Variants in MAPKBP1 observed in about 807,000 individuals in gnomAD.
MAPKBP1 encodes the protein mitogen-activated protein kinase-binding protein 1.
A neutral mutation model predicts 170.5 loss-of-function variants in MAPKBP1; 71 were observed. That is an observed-to-expected ratio of 0.42 (90% CI 0.34 to 0.51). The LOEUF is 0.51. Among genes scored for constraint, MAPKBP1 ranks in the 20% least tolerant of loss-of-function variants. The pLI is 0.06. For synonymous variants in MAPKBP1, 719 were observed against 757.9 expected, an observed-to-expected ratio of 0.95 and a Z score of 0.84; for missense variants, 1,598 against 1,933.0, an observed-to-expected ratio of 0.83 and a Z score of 3.25.
chr15:41,816,938 G>A lies in MAPKBP1; in HGVS notation c.1614G>A (p.Arg538=), dbSNP rs1255593021. 2.5e-6 allele frequency: 4 copies of A among 1,611,522 alleles called. No individual in the cohort carries two copies. Among genetic ancestry groups the A allele is most frequent in the Non-Finnish European group, 3.4e-6 (4 of 1,178,438 alleles). Residue 538 remains arginine (R), a synonymous_variant, in exon 14 of 31, where the codon CGG becomes CGA. Transcript: ENST00000457542. ...TGAAACTGCTAGCATCGGCGAGCCG[G>A]GACCGGCTGATCCATGTGCTGGATG... is the stretch of plus-strand genomic sequence containing the variant. ...TGLKLLASAS[R]DRLIHVLDAG...
At chr15:41,789,578 G>T (rs2064359856) in intron 2 of MAPKBP1, among the ~76,000 whole-genome samples, 1 of 152,130 alleles carries the variant, frequency 6.6e-6, no homozygotes, top group Non-Finnish European at 1.5e-5. Flanking sequence ...TGACCCTGCA[G>T]TGCCAGTTGG....
intron 2 of MAPKBP1, among the ~76,000 whole-genome samples, chr15:41,788,705 G>A (rs1434224742): frequency 6.6e-6 from 1 of 152,164 alleles, no homozygotes; most frequent in Non-Finnish European, 1.5e-5. Context: ...GATTCAAATA[G>A]GTGAGTAGTA....
intron 2 of MAPKBP1, among the ~76,000 whole-genome samples, chr15:41,785,713 AT>A (rs916443414): frequency 1.3e-4 from 20 of 151,864 alleles, no homozygotes; most frequent in Non-Finnish European, 2.7e-4. Flanking sequence ...CTATTAAAAA[AT>A]TTTTTTTTGC....
intron 12 of MAPKBP1, 29 bp downstream of exon 12, chr15:41,815,828 C>T: frequency 2.5e-6 from 4 of 1,597,424 alleles, no homozygotes; most frequent in Non-Finnish European, 3.4e-6. Flanking sequence ...TGGGTACTGA[C>T]TGCCTCTCAT....
At chr15:41,786,777 A>AT (rs1555448144) in intron 2 of MAPKBP1, among the ~76,000 whole-genome samples, 2 of 32,470 alleles carry the variant, frequency 6.2e-5, no homozygotes, top group African/African-American at 2.6e-4. Context: ...AAAAAAAAAA[A>AT]ATATATATAT....
chr15:41,788,797 GA>G (rs1369749457), intron 2 of MAPKBP1, among the ~76,000 whole-genome samples: 1 of 152,216 alleles, frequency 6.6e-6, no homozygotes, highest in Non-Finnish European at 1.5e-5. Context: ...AGGAAGGAGT[GA>G]CTGAAAAAGT....
At chr15:41,782,009 G>C (rs1224225564) in intron 2 of MAPKBP1, among the ~76,000 whole-genome samples, 1 of 151,458 alleles carries the variant, frequency 6.6e-6, no homozygotes, top group Non-Finnish European at 1.5e-5. Context: ...AGCATTTTGG[G>C]AGGCCGAGGC....
Position 41,795,615 on chromosome 15 carries a change from A to G in MAPKBP1, c.115-4208A>G, listed in dbSNP as rs553833563. Among the ~76,000 whole-genome samples, 78 of 152,000 alleles carry G rather than the reference A, an allele frequency of 5.1e-4. 1 individual carries two copies. The highest frequency in any genetic ancestry group is 1.8e-3 in the African/African-American group (76 of 41,456). On this transcript the variant is annotated intron_variant, in intron 2 of 30. Transcript: ENST00000457542. ...TTTATTTTTATTTATTTACTTATTTATTTATTTTTGAGACAGAGTCTCGCT... is the reference window on the plus strand; with the variant it reads ...TTTATTTTTATTTATTTACTTATTTGTTTATTTTTGAGACAGAGTCTCGCT...
intron 2 of MAPKBP1, among the ~76,000 whole-genome samples, chr15:41,786,908 T>G (rs1278968185): frequency 6.6e-6 from 1 of 150,654 alleles, no homozygotes; most frequent in Non-Finnish European, 1.5e-5. Context: ...TTCATTTCCT[T>G]TTTTCTTTGA....
chr15:41,824,506 G>A lies in MAPKBP1; in HGVS notation c.4236G>A (p.Gln1412=). Reference sequence around the variant, plus strand: ...CAGAGCCAGCGGTGAGCCTGGAGCAGTGTGAGCAGCTGGTGGCAGAGCTCC... The same window carrying A: ...CAGAGCCAGCGGTGAGCCTGGAGCAATGTGAGCAGCTGGTGGCAGAGCTCC... ...QDSEPAVSLE[Q]CEQLVAELRG... is the part of the protein sequence containing the mutation. The change falls in exon 30 of 31, where the codon CAG becomes CAA. Residue 1412 remains glutamine (Q), a synonymous_variant. Coordinates refer to ENST00000457542, the MANE Select transcript of MAPKBP1 (RefSeq NM_014994.3). 1 of 1,601,250 alleles carries A rather than the reference G, an allele frequency of 6.2e-7. No individual in the cohort carries two copies. Among genetic ancestry groups the A allele is most frequent in the South Asian group, 1.1e-5 (1 of 88,582 alleles).
chr15:41,821,179 G>C, intron 23 of MAPKBP1, 111 bp downstream of exon 23: 1 of 1,024,664 alleles, frequency 9.8e-7, no homozygotes, highest in Non-Finnish European at 1.5e-6. Context: ...TGCCCCTGTG[G>C]CACATGGGTA....
At chr15:41,825,170 A>G in intron 30 of MAPKBP1, 39 bp from the exon 31 acceptor site, 1 of 1,519,762 alleles carries the variant, frequency 6.6e-7, no homozygotes, top group Non-Finnish European at 8.9e-7. Flanking sequence ...ATGTCTGTTG[A>G]CAGGCTCCTC....
At chr15:41,802,294 T>C (rs1223459239) in intron 3 of MAPKBP1, among the ~76,000 whole-genome samples, 1 of 152,182 alleles carries the variant, frequency 6.6e-6, no homozygotes, top group East Asian at 1.9e-4. Context: ...TACTGTACAC[T>C]TTACAAACAC....
chr15:41,822,435 G>A lies in MAPKBP1; in HGVS notation c.3229+13G>A, dbSNP rs745818128. The A allele has an allele frequency of 6.2e-7, 1 of 1,612,482 alleles. No homozygotes were observed. Among genetic ancestry groups the A allele is most frequent in the Non-Finnish European group, 8.5e-7 (1 of 1,179,078 alleles). On this transcript the variant is annotated intron_variant, in intron 26 of 30. Transcript: ENST00000457542. The stretch of plus-strand genomic sequence containing the variant: ...GGAGCTGCTCCAGGTGTGGTCAGAG[G>A]GCCAGCATTTAGTGCCTGCAATTTG...
chr15:41,817,290 G>C lies in MAPKBP1; in HGVS notation c.1712-98G>C. The C allele has an allele frequency of 7.4e-7, 1 of 1,352,328 alleles. No homozygotes were observed. Among genetic ancestry groups the C allele is most frequent in the Non-Finnish European group, 1.1e-6 (1 of 945,014 alleles). The allele number at this position is 1,352,328 out of a possible 1,614,324, so 83.8% of individuals were successfully genotyped here. A position where few individuals can be genotyped will look rare whatever the true frequency, so the allele number is the denominator to read the frequency against. ...TTTAGTTGGTTTTCCCTGGCATGTA[G>C]AGTAGCTTGATGGGGGATCTCATGG... On this transcript the variant is annotated intron_variant, in intron 14 of 30. Transcript: ENST00000457542. This position sits in a 1 kb window ranked among gnomAD's most constrained non-coding sequence, Gnocchi z 4.2.
rs764815351 is a variant in MAPKBP1 at position 41,823,462 on chromosome 15, G to A, written c.3614G>A (p.Ser1205Asn). Residue 1205 changes from serine to asparagine, a missense_variant, in exon 29 of 31, where the codon AGT becomes AAT. This residue lies in a region of MAPKBP1 where 942 missense variants were observed against 953.2 expected (regional missense o/e 0.99). Coordinates refer to ENST00000457542, the MANE Select transcript of MAPKBP1 (RefSeq NM_014994.3). Reference protein sequence around the residue: ...SLVPQERHEASLQAPSPGALL... With the variant: ...SLVPQERHEANLQAPSPGALL... ...TCCTTTGCAGAAAGACATGAGGCCAGTCTGCAGGCCCCTTCACCAGGCGCA... is the reference window on the plus strand; with the variant it reads ...TCCTTTGCAGAAAGACATGAGGCCAATCTGCAGGCCCCTTCACCAGGCGCA... 2 of 1,612,052 alleles carry A rather than the reference G, an allele frequency of 1.2e-6. No homozygotes were observed. The highest frequency in any genetic ancestry group is 2.2e-5 in the South Asian group (2 of 90,974).
Position 41,816,416 on chromosome 15 carries a change from G to T in MAPKBP1, c.1494-143G>T, listed in dbSNP as rs1038923084. Reference sequence around the variant, plus strand: ...AAAGCTGGGTAAGGGAAATATAGACGCTCTCTGTTCTTTCAGCAACTTTTC... The same window carrying T: ...AAAGCTGGGTAAGGGAAATATAGACTCTCTCTGTTCTTTCAGCAACTTTTC... On this transcript the variant is annotated intron_variant, in intron 12 of 30. Transcript: ENST00000457542. 11 of 600,712 alleles carry T rather than the reference G, an allele frequency of 1.8e-5. No individual in the cohort carries two copies. In the East Asian group the frequency reaches 2.5e-4, roughly 14 times the overall value. 37.2% of individuals were successfully genotyped at this position (600,712 alleles called of 1,614,324 possible). A position where few individuals can be genotyped will look rare whatever the true frequency, so the allele number is the denominator to read the frequency against.
intron 21 of MAPKBP1, 67 bp downstream of exon 21, chr15:41,819,446 T>G: frequency 6.2e-7 from 1 of 1,602,314 alleles, no homozygotes; most frequent in South Asian, 1.1e-5. Flanking sequence ...ATGGTTTTTC[T>G]GAGACTGTGG....
In MAPKBP1 at chr15:41,825,518, G is replaced by A; in HGVS notation, c.*82G>A. 3 of 1,308,666 alleles carry A rather than the reference G, an allele frequency of 2.3e-6. No individual in the cohort carries two copies. Among genetic ancestry groups the A allele is most frequent in the Non-Finnish European group, 3.1e-6 (3 of 958,156 alleles). 81.1% of individuals were successfully genotyped at this position (1,308,666 alleles called of 1,614,324 possible). ...CTCTGCCCCTCACCAAAACCTGCGG[G>A]GCTGCTTGGAGTGGAAAGCAGGGAG... is the stretch of plus-strand genomic sequence containing the variant. On this transcript the variant is annotated 3_prime_UTR_variant, in exon 31 of 31. Coordinates refer to ENST00000457542, the MANE Select transcript of MAPKBP1 (RefSeq NM_014994.3).
Sources: gnomAD v4.1 joint callset for allele counts (sites outside exome capture counted in the v4.1 genomes callset) on GRCh38, gnomAD v4.1.1 for gene constraint, gnomAD v4.1.1 regional missense constraint, Gnocchi (gnomAD v3.1) non-coding constraint, MANE v1.5 for transcripts, NCBI Gene and HGNC (gene_info 2026-07-23, HGNC 2026-07-21) for gene names.